GPD2: variants seen among roughly 807,000 people sequenced by gnomAD.
GPD2 encodes the protein glycerol-3-phosphate dehydrogenase 2.
Under a neutral mutation model 82.4 loss-of-function variants are expected in GPD2, and 54 were observed. The observed-to-expected ratio is 0.66, with a 90% CI of 0.53 to 0.82. GPD2 has a LOEUF of 0.82. GPD2 is among the 40% of genes least tolerant of loss of function. GPD2 has a pLI of 0.00. For synonymous variants in GPD2, 288 were observed against 306.1 expected, an observed-to-expected ratio of 0.94 and a Z score of 0.62; for missense variants, 748 against 896.2, an observed-to-expected ratio of 0.83 and a Z score of 2.11.
intron 1 of GPD2, among the ~76,000 whole-genome samples, chr2:156,463,378 A>T (rs1683051849): frequency 6.6e-6 from 1 of 152,118 alleles, no homozygotes; most frequent in Non-Finnish European, 1.5e-5. Flanking sequence ...CTGACACATG[A>T]TGGATGATCA....
chr2:156,513,238 G>C (rs573467704), intron 5 of GPD2, 95 bp from the exon 6 acceptor site: 1 of 953,298 alleles, frequency 1.0e-6, no homozygotes, highest in African/African-American at 1.6e-5. Context: ...GGTATGCTTT[G>C]TTTTTCTTAA....
intron 2 of GPD2, among the ~76,000 whole-genome samples, chr2:156,483,743 A>G (rs1683823054): frequency 6.6e-6 from 1 of 152,086 alleles, no homozygotes; most frequent in Non-Finnish European, 1.5e-5. Context: ...GAAAATAAAG[A>G]AACAATTTAA....
At chr2:156,433,074 G>A (rs138148111), upstream of GPD2, among the ~76,000 whole-genome samples, 1,220 of 152,346 alleles carry the variant, frequency 8.0e-3, 5 homozygotes, top group Non-Finnish European at 0.012. Flanking sequence ...GACCTAGACA[G>A]TGAAAGAGAT....
intron 3 of GPD2, among the ~76,000 whole-genome samples, chr2:156,507,242 C>T (rs570636599): frequency 5.3e-5 from 8 of 151,870 alleles, no homozygotes; most frequent in Non-Finnish European, 1.2e-4. Context: ...GAACTCCTGA[C>T]CTCAAGTGAT....
intron 1 of GPD2, among the ~76,000 whole-genome samples, chr2:156,442,140 G>T (rs1682196999): frequency 6.6e-6 from 1 of 152,072 alleles, no homozygotes; most frequent in African/African-American, 2.4e-5. Context: ...CTATAAAAGG[G>T]TTTAATATAG....
chr2:156,497,379 A>G (rs1684424171), intron 3 of GPD2, among the ~76,000 whole-genome samples: 1 of 152,142 alleles, frequency 6.6e-6, no homozygotes, highest in Non-Finnish European at 1.5e-5. Flanking sequence ...TTCAGAACCA[A>G]TTGTCTTGGA....
chr2:156,418,915 A>T, the GPD2 span, among the ~76,000 whole-genome samples: 2 of 152,022 alleles, frequency 1.3e-5, no homozygotes, highest in African/African-American at 4.8e-5. Context: ...CTTTAGATGG[A>T]TCTGGATTGC....
In GPD2 at chr2:156,583,973, TTAATTA is replaced by T. The variant is rs1177077133; in HGVS notation, c.*1064_*1069del. 2.6e-5 allele frequency: 4 copies of T among 152,218 alleles called. No individual in the cohort carries two copies. The highest frequency in any genetic ancestry group is 2.1e-4 in the South Asian group (1 of 4,826). The allele number at this position is 152,218 out of a possible 1,614,324, so 9.4% of individuals were successfully genotyped here. A position where few individuals can be genotyped will look rare whatever the true frequency, so the allele number is the denominator to read the frequency against. ...AAGATGGAATAGACTTTAGTTAACT[TTAATTA>T]TAATTATATGTTAAATAAGGCACAT... On this transcript the variant is annotated 3_prime_UTR_variant, in exon 17 of 17. Transcript: ENST00000438166.
intron 1 of GPD2, among the ~76,000 whole-genome samples, chr2:156,456,923 C>T (rs1682808561): frequency 6.6e-6 from 1 of 152,118 alleles, no homozygotes; most frequent in Non-Finnish European, 1.5e-5. Context: ...AAGCAAGGCC[C>T]ATTTTGGCAC....
In GPD2 at chr2:156,510,839, G is replaced by A; in HGVS notation, c.318G>A (p.Gly106=). Reference sequence around the variant, plus strand: ...TAGAAAGAGATGATTTCTCATCAGGGACCAGCAGCAGAAGCACTAAATTGA... The same window carrying A: ...TAGAAAGAGATGATTTCTCATCAGGAACCAGCAGCAGAAGCACTAAATTGA... ...ALVERDDFSS[G]TSSRSTKLIH... Residue 106 remains glycine (G), a synonymous_variant, in exon 4 of 17, where the codon GGG becomes GGA. Coordinates refer to ENST00000438166, the MANE Select transcript of GPD2 (RefSeq NM_000408.5). 1 of 1,613,026 alleles carries A rather than the reference G, an allele frequency of 6.2e-7. No individual in the cohort carries two copies.
In GPD2 at chr2:156,579,431, C is replaced by A. The variant is rs546743424; in HGVS notation, c.1960-259C>A. On this transcript the variant is annotated intron_variant, in intron 15 of 16. Transcript: ENST00000438166. ...GTAACCTCCTCCTCCTGGGTTCAAG[C>A]GGTTCTCCTGCCTCAGCCTCCAGAG... Among the ~76,000 whole-genome samples the A allele has an allele frequency of 4.6e-5, 7 of 150,780 alleles. No homozygotes were observed. The East Asian group carries it at 1.2e-3, about 25-fold the overall frequency.
intron 11 of GPD2, 23 bp from the exon 12 acceptor site, chr2:156,570,064 C>G: frequency 1.2e-6 from 2 of 1,608,774 alleles, no homozygotes; most frequent in Non-Finnish European, 1.7e-6. Flanking sequence ...AAGTGCCTGC[C>G]TAACGCAGCT....
At chr2:156,479,915 GT>G (rs1683660031) in intron 2 of GPD2, among the ~76,000 whole-genome samples, 1 of 152,144 alleles carries the variant, frequency 6.6e-6, no homozygotes, top group African/African-American at 2.4e-5. Context: ...AGGAACAAGA[GT>G]CTTAGTACTG....
chr2:156,486,978 G>A (rs1683968207), intron 2 of GPD2, among the ~76,000 whole-genome samples: 2 of 151,990 alleles, frequency 1.3e-5, no homozygotes, highest in Admixed American at 6.6e-5. Flanking sequence ...TTTAACTTCT[G>A]GATCTACTTC....
intron 3 of GPD2, 45 bp from the exon 4 acceptor site, chr2:156,510,751 A>T (rs1283232318): frequency 3.3e-6 from 5 of 1,537,078 alleles, no homozygotes; most frequent in Non-Finnish European, 4.5e-6. Context: ...AATTACATAC[A>T]AATTGTGTAA....
chr2:156,472,434 C>G (rs1473107817), intron 1 of GPD2, among the ~76,000 whole-genome samples: 1 of 152,064 alleles, frequency 6.6e-6, no homozygotes, highest in African/African-American at 2.4e-5. Flanking sequence ...GATTCTCTTG[C>G]CTCAGGCTCC....
chr2:156,569,955 T>C (rs1324062599), intron 11 of GPD2, 132 bp from the exon 12 acceptor site: 5 of 790,108 alleles, frequency 6.3e-6, no homozygotes, highest in East Asian at 2.7e-5. Flanking sequence ...AAAATCAAAA[T>C]ATAATACTCT....
chr2:156,463,763 C>T (rs1683065159), intron 1 of GPD2, among the ~76,000 whole-genome samples: 1 of 151,976 alleles, frequency 6.6e-6, no homozygotes, highest in African/African-American at 2.4e-5. Context: ...TTGGGAAAGA[C>T]TATAGAGTTC....
intron 6 of GPD2, among the ~76,000 whole-genome samples, chr2:156,524,388 G>A (rs1685530421): frequency 6.6e-6 from 1 of 152,134 alleles, no homozygotes. Context: ...TTGTCACTTG[G>A]GGTCCTTCTA....
Sources: allele counts gnomAD v4.1 joint callset (sites outside exome capture counted in the v4.1 genomes callset), GRCh38; gene constraint gnomAD v4.1.1; transcripts MANE v1.5; gene names NCBI Gene and HGNC (gene_info 2026-07-23, HGNC 2026-07-21).